Variants in RAB14 observed in about 807,000 individuals in gnomAD.
RAB14 encodes ras-related protein Rab-14.
RAB14 carries 3 observed loss-of-function variants against 31.1 expected under a neutral mutation model. The ratio of observed to expected loss-of-function variants is 0.10; its 90% CI spans 0.04 to 0.25. RAB14 has a LOEUF of 0.25. Ranked by LOEUF, RAB14 falls within the 10% of genes least tolerant of loss-of-function variation. The pLI is 1.00. For synonymous variants in RAB14, 85 were observed against 84.9 expected, an observed-to-expected ratio of 1.00 and a Z score of 0.00; for missense variants, 111 against 260.1, an observed-to-expected ratio of 0.43 and a Z score of 3.94.
At chr9:121,195,839 TAAG>T (rs1352411386) in intron 1 of RAB14, among the ~76,000 whole-genome samples, 2 of 152,298 alleles carry the variant, frequency 1.3e-5, no homozygotes, top group East Asian at 1.9e-4. Context: ...TTTCTTATTC[TAAG>T]AAGATACTGT....
chr9:121,188,555 A>G (rs1750438369), intron 4 of RAB14, among the ~76,000 whole-genome samples: 2 of 151,830 alleles, frequency 1.3e-5, no homozygotes, highest in Admixed American at 6.6e-5. Flanking sequence ...AAAAAGTGCT[A>G]AAATACTAGA....
At chr9:121,193,144 T>C (rs959277135) in intron 2 of RAB14, among the ~76,000 whole-genome samples, 3 of 152,040 alleles carry the variant, frequency 2.0e-5, no homozygotes, top group African/African-American at 7.2e-5. Context: ...TGAACATCAC[T>C]TCACAAGGTA....
chr9:121,196,275 G>C (rs775691396), intron 1 of RAB14, among the ~76,000 whole-genome samples: 1 of 151,878 alleles, frequency 6.6e-6, no homozygotes, highest in African/African-American at 2.4e-5. Flanking sequence ...GAAAGTATTC[G>C]AATCAAGTTC....
chr9:121,183,743 C>CA (rs1456766436), intron 5 of RAB14, among the ~76,000 whole-genome samples: 1 of 152,112 alleles, frequency 6.6e-6, no homozygotes, highest in Admixed American at 6.5e-5. Context: ...ATCCTTAGTT[C>CA]ACAAGCCAGT....
intron 1 of RAB14, among the ~76,000 whole-genome samples, chr9:121,197,514 T>C (rs914678534): frequency 6.6e-6 from 1 of 152,178 alleles, no homozygotes; most frequent in African/African-American, 2.4e-5. Context: ...ATCTAAGTGG[T>C]TACTGAACAA....
intron 3 of RAB14, 139 bp from the exon 4 acceptor site, chr9:121,190,870 A>AG (rs2053682758): frequency 1.3e-6 from 1 of 791,792 alleles, no homozygotes; most frequent in African/African-American, 1.8e-5. Context: ...CGCTAAAAAA[A>AG]AAATTAACAA....
intron 1 of RAB14, among the ~76,000 whole-genome samples, chr9:121,200,594 A>G: frequency 6.6e-6 from 1 of 152,242 alleles, no homozygotes. Flanking sequence ...TTAGGTCATA[A>G]AAGGGTAATC....
intron 4 of RAB14, among the ~76,000 whole-genome samples, chr9:121,190,137 G>C (rs1003152110): frequency 2.0e-5 from 3 of 152,080 alleles, no homozygotes; most frequent in Non-Finnish European, 4.4e-5. Context: ...AATCTACCAT[G>C]CTGGACTAGC....
chr9:121,181,332 A>G lies in RAB14; in HGVS notation c.*64T>C. The G allele has an allele frequency of 7.0e-7, 1 of 1,428,124 alleles. No individual in the cohort carries two copies. The allele number at this position is 1,428,124 out of a possible 1,614,324, so 88.5% of individuals were successfully genotyped here. A position where few individuals can be genotyped will look rare whatever the true frequency, so the allele number is the denominator to read the frequency against. On this transcript the variant is annotated 3_prime_UTR_variant, in exon 8 of 8. Coordinates refer to ENST00000373840, the MANE Select transcript of RAB14 (RefSeq NM_016322.4). The stretch of plus-strand genomic sequence containing the variant: ...GATGTACAGAAGACAATGAGGCAGT[A>G]AAAAGTACTGCTTCCAACAGACAGA...
chr9:121,191,391 G>A (rs1348318309), intron 3 of RAB14, among the ~76,000 whole-genome samples: 1 of 152,060 alleles, frequency 6.6e-6, no homozygotes, highest in Non-Finnish European at 1.5e-5. Flanking sequence ...ATGTTGGAGT[G>A]CAGTAGCACA....
intron 1 of RAB14, among the ~76,000 whole-genome samples, chr9:121,200,828 G>C (rs1444059723): frequency 2.0e-5 from 3 of 152,110 alleles, no homozygotes; most frequent in Non-Finnish European, 4.4e-5. Context: ...TATCTCCGAG[G>C]GCTACGCGGG....
At chr9:121,200,824 C>T (rs900791671) in intron 1 of RAB14, among the ~76,000 whole-genome samples, 6 of 152,136 alleles carry the variant, frequency 3.9e-5, no homozygotes, top group Non-Finnish European at 7.3e-5. Context: ...AACTTATCTC[C>T]GAGGGCTACG....
chr9:121,187,300 G>T (rs1404049997), intron 4 of RAB14, among the ~76,000 whole-genome samples: 3 of 151,992 alleles, frequency 2.0e-5, no homozygotes, highest in Non-Finnish European at 4.4e-5. Context: ...CAATAAGCAA[G>T]CAAGGAACAA....
intron 1 of RAB14, among the ~76,000 whole-genome samples, chr9:121,194,338 T>C (rs934988084): frequency 6.6e-6 from 1 of 152,188 alleles, no homozygotes; most frequent in African/African-American, 2.4e-5. Context: ...ATTTGAAAGC[T>C]TGTGTATTAG....
At position 121,190,854 on chromosome 9, in the gene RAB14, A is replaced by G. The variant is rs981619278; in HGVS notation, c.107-123T>C. The stretch of plus-strand genomic sequence containing the variant: ...TACTTACAGGCTATAAATAGACTAA[A>G]GCTACCGCTAAAAAAAAAATTAACA... On this transcript the variant is annotated intron_variant, in intron 3 of 7. Coordinates refer to ENST00000373840, the MANE Select transcript of RAB14 (RefSeq NM_016322.4). The G allele has an allele frequency of 1.0e-5, 9 of 900,198 alleles. No individual in the cohort carries two copies. The African/African-American group carries it at 1.5e-4, about 15-fold the overall frequency. The allele number at this position is 900,198 out of a possible 1,614,324, so 55.8% of individuals were successfully genotyped here. A position where few individuals can be genotyped will look rare whatever the true frequency, so the allele number is the denominator to read the frequency against.
intron 1 of RAB14, among the ~76,000 whole-genome samples, chr9:121,194,505 G>A (rs1399129153): frequency 1.3e-5 from 2 of 152,154 alleles, no homozygotes; most frequent in African/African-American, 4.8e-5. Context: ...GTCCTAGAGA[G>A]AAACAAGGGG....
At chr9:121,199,325 T>C (rs1185645589) in intron 1 of RAB14, among the ~76,000 whole-genome samples, 1 of 152,224 alleles carries the variant, frequency 6.6e-6, no homozygotes, top group Non-Finnish European at 1.5e-5. Flanking sequence ...TTTGTATATA[T>C]TTAAAATTGT....
chr9:121,178,629 C>T lies in RAB14; in HGVS notation c.*2767G>A, dbSNP rs916305894. 6.6e-6 allele frequency: 1 copy of T among 152,526 alleles called. No homozygotes were observed. Among genetic ancestry groups the T allele is most frequent in the African/African-American group, 2.4e-5 (1 of 41,412 alleles). 9.4% of individuals were successfully genotyped at this position (152,526 alleles called of 1,614,324 possible). A position where few individuals can be genotyped will look rare whatever the true frequency, so the allele number is the denominator to read the frequency against. ...GTAATGTATGAAGCTTAACAGCTGGCTTCAAAAGACACCTTTCCAAAGAAA... is the reference window on the plus strand; with the variant it reads ...GTAATGTATGAAGCTTAACAGCTGGTTTCAAAAGACACCTTTCCAAAGAAA... On this transcript the variant is annotated 3_prime_UTR_variant, in exon 8 of 8. Transcript: ENST00000373840.
chr9:121,181,811 G>A (rs984673677), intron 7 of RAB14, among the ~76,000 whole-genome samples: 1 of 128,974 alleles, frequency 7.8e-6, no homozygotes, highest in African/African-American at 2.7e-5. Flanking sequence ...GCAGTGGCCC[G>A]ATCTCAGCTC....
Sources: allele counts gnomAD v4.1 joint callset (sites outside exome capture counted in the v4.1 genomes callset), GRCh38; gene constraint gnomAD v4.1.1; transcripts MANE v1.5; gene names NCBI Gene and HGNC (gene_info 2026-07-23, HGNC 2026-07-21).